CUX1: variants seen among roughly 807,000 people sequenced by gnomAD.
The protein encoded by CUX1 is cut like homeobox 1, also known as protein CASP.
A neutral mutation model predicts 158.8 loss-of-function variants in CUX1; 31 were observed. The ratio of observed to expected loss-of-function variants is 0.20; its 90% CI spans 0.15 to 0.26. The LOEUF is 0.26. Ranked by LOEUF, CUX1 falls within the 10% of genes least tolerant of loss-of-function variation. The pLI is 1.00. For synonymous variants in CUX1, 879 were observed against 862.1 expected (o/e 1.02, Z -0.34); for missense variants, 1,589 against 2,014.6 (o/e 0.79, Z 4.04).
chr7:102,204,963 C>G (rs902176922), intron 19 of CUX1, 151 bp from the exon 20 acceptor site: 20 of 622,584 alleles, frequency 3.2e-5, no homozygotes, highest in East Asian at 1.1e-4. Flanking sequence ...CCTGGCCTTG[C>G]AACAGCAGCG....
At chr7:102,124,433 C>T (rs1356202059) in intron 8 of CUX1, among the ~76,000 whole-genome samples, 1 of 152,232 alleles carries the variant, frequency 6.6e-6, no homozygotes, top group African/African-American at 2.4e-5. Context: ...AGGAAGTGAC[C>T]TATGTGCCCA....
At chr7:102,043,545 G>C (rs917683180) in intron 3 of CUX1, among the ~76,000 whole-genome samples, 1 of 151,970 alleles carries the variant, frequency 6.6e-6, no homozygotes, top group East Asian at 1.9e-4. Flanking sequence ...TTTGGTACAC[G>C]CAGGGGGTCC....
intron 1 of CUX1, among the ~76,000 whole-genome samples, chr7:101,911,298 T>C (rs1027165325): frequency 3.9e-5 from 6 of 152,056 alleles, no homozygotes; most frequent in South Asian, 2.1e-4. Context: ...ACCTGAGCCT[T>C]GGTCTTGGCC....
At chr7:102,155,677 A>T (rs1299315922) in intron 8 of CUX1, among the ~76,000 whole-genome samples, 1 of 152,186 alleles carries the variant, frequency 6.6e-6, no homozygotes, top group Non-Finnish European at 1.5e-5. Context: ...AGCTTTCTGC[A>T]TTGACTGGTG....
chr7:102,221,049 CCTCCCCT>C (rs377006913), intron 20 of CUX1, among the ~76,000 whole-genome samples: 3 of 152,200 alleles, frequency 2.0e-5, no homozygotes, highest in South Asian at 2.1e-4. Context: ...GCCACGACCA[CCTCCCCT>C]CTCCCCTCTC....
At chr7:102,176,948 C>T (rs1792432355) in intron 10 of CUX1, among the ~76,000 whole-genome samples, 2 of 142,574 alleles carry the variant, frequency 1.4e-5, no homozygotes, top group Admixed American at 7.0e-5. Context: ...TGACTTTTTC[C>T]TTTTTTTTTT....
At chr7:102,168,460 C>T (rs1269553568) in intron 9 of CUX1, among the ~76,000 whole-genome samples, 2 of 151,966 alleles carry the variant, frequency 1.3e-5, no homozygotes, top group African/African-American at 4.8e-5. Flanking sequence ...CCAGCCTGGC[C>T]AACATGTGAA....
chr7:102,167,188 A>G (rs1791135817), intron 9 of CUX1, among the ~76,000 whole-genome samples: 1 of 151,692 alleles, frequency 6.6e-6, no homozygotes, highest in African/African-American at 2.4e-5. Context: ...GAATCACTTC[A>G]TCCTGGGAGG....
chr7:102,271,630 C>T (rs183665875), intron 14 of CUX1, among the ~76,000 whole-genome samples: 3 of 152,344 alleles, frequency 2.0e-5, no homozygotes, highest in Admixed American at 6.5e-5. Context: ...CCTCCAAGGC[C>T]GGGTCCTGCC....
At chr7:101,884,223 T>C (rs574282920) in intron 1 of CUX1, among the ~76,000 whole-genome samples, 25 of 152,356 alleles carry the variant, frequency 1.6e-4, no homozygotes, top group African/African-American at 6.0e-4. Flanking sequence ...TACATAATAG[T>C]TGTACATATT....
At chr7:102,003,334 A>ACACACGCC (rs1469103474) in intron 2 of CUX1, among the ~76,000 whole-genome samples, 158 of 146,742 alleles carry the variant, frequency 1.1e-3, no homozygotes, top group African/African-American at 3.9e-3. Flanking sequence ...ACACACACAC[A>ACACACGCC]CGCCCGCCCC....
intron 7 of CUX1, among the ~76,000 whole-genome samples, chr7:102,112,556 TTTTTG>T (rs1329489329): frequency 1.4e-5 from 2 of 140,508 alleles, no homozygotes; most frequent in South Asian, 2.3e-4. Context: ...TCTATTTCTT[TTTTTG>T]TTTTGTTTTG....
intron 22 of CUX1, chr7:102,282,905 CCCCCTA>C: frequency 2.7e-6 from 2 of 754,064 alleles, no homozygotes; most frequent in Non-Finnish European, 4.3e-6. Flanking sequence ...TTCTGGCCCT[CCCCCTA>C]CCCCTACTCC....
chr7:102,001,220 A>G lies in CUX1; in HGVS notation c.142-26878A>G, dbSNP rs567140116. 2.1e-3 allele frequency among the ~76,000 whole-genome samples: 316 copies of G among 152,244 alleles called. 1 individual carries two copies. The highest frequency in any genetic ancestry group is 7.2e-3 in the African/African-American group (298 of 41,534). On this transcript the variant is annotated intron_variant, in intron 2 of 23. Transcript: ENST00000292535. The stretch of plus-strand genomic sequence containing the variant: ...GATATGGGCTGGAGGGCCTGCCAGG[A>G]GCATTCTTGGGGATTGCCAGTAGCC...
intron 9 of CUX1, among the ~76,000 whole-genome samples, chr7:102,161,611 A>C (rs142009650): frequency 6.6e-6 from 1 of 152,196 alleles, no homozygotes; most frequent in Non-Finnish European, 1.5e-5. Context: ...TTTTAAATTT[A>C]TTTATTTTTC....
intron 9 of CUX1, among the ~76,000 whole-genome samples, chr7:102,168,117 G>T (rs148944559): frequency 1.3e-5 from 2 of 151,526 alleles, no homozygotes; most frequent in African/African-American, 4.9e-5. Context: ...TGATTAATTA[G>T]CATGAACCAG....
At chr7:102,093,977 G>A (rs782367422) in intron 4 of CUX1, among the ~76,000 whole-genome samples, 5 of 152,140 alleles carry the variant, frequency 3.3e-5, no homozygotes, top group Admixed American at 6.6e-5. Context: ...TCTGACGTTC[G>A]CATAAGACCT....
chr7:101,981,799 C>T (rs4729766), intron 2 of CUX1, among the ~76,000 whole-genome samples: 71,397 of 151,772 alleles, frequency 0.47, 18,378 homozygotes, highest in East Asian at 0.59. Flanking sequence ...TTAGAAGAAA[C>T]GGGGTTTCAC....
At chr7:102,056,901 T>C (rs1563184991) in intron 3 of CUX1, among the ~76,000 whole-genome samples, 2 of 96,316 alleles carry the variant, frequency 2.1e-5, no homozygotes, top group South Asian at 7.7e-4. Flanking sequence ...TGTTTTTTGT[T>C]TTCTGGTTTT....
Sources: allele counts gnomAD v4.1 joint callset (sites outside exome capture counted in the v4.1 genomes callset), GRCh38; gene constraint gnomAD v4.1.1; transcripts MANE v1.5; gene names NCBI Gene and HGNC (gene_info 2026-07-23, HGNC 2026-07-21).